Variants in AIM2 observed in about 807,000 individuals in gnomAD.
AIM2 encodes the protein absent in melanoma 2, also known as interferon-inducible protein AIM2.
AIM2 carries 30 observed loss-of-function variants against 27.7 expected under a neutral mutation model. The ratio of observed to expected loss-of-function variants is 1.08; its 90% CI spans 0.81 to 1.47. The LOEUF (loss-of-function observed/expected upper bound fraction) is 1.47. AIM2 is among the 40% of genes most tolerant of loss of function. The pLI is 0.00. For synonymous variants in AIM2, 141 were observed against 145.3 expected (o/e 0.97, Z 0.21); for missense variants, 358 against 411.3 (o/e 0.87, Z 1.12).
At chr1:159,101,165 T>C (rs1657304279) in intron 1 of AIM2, among the ~76,000 whole-genome samples, 1 of 151,366 alleles carries the variant, frequency 6.6e-6, no homozygotes, top group African/African-American at 2.4e-5. Context: ...GGGAGGTAAT[T>C]GGATCATGGG....
chr1:159,096,301 C>CCT (rs1557903008), intron 1 of AIM2, among the ~76,000 whole-genome samples: 1 of 151,898 alleles, frequency 6.6e-6, no homozygotes, highest in Non-Finnish European at 1.5e-5. Flanking sequence ...GGTTACTTAG[C>CCT]CTCTCTCTCT....
intron 1 of AIM2, among the ~76,000 whole-genome samples, chr1:159,086,064 G>A (rs1656906336): frequency 6.6e-6 from 1 of 152,128 alleles, no homozygotes; most frequent in Non-Finnish European, 1.5e-5. Flanking sequence ...TGGAGTGTGA[G>A]GGGAAAGAAG....
At chr1:159,093,714 G>A (rs1657102652) in intron 1 of AIM2, among the ~76,000 whole-genome samples, 1 of 149,854 alleles carries the variant, frequency 6.7e-6, no homozygotes, top group South Asian at 2.2e-4. Context: ...ACATATATAT[G>A]TATGTGTATA....
chr1:159,105,906 G>T (rs2188118), intron 1 of AIM2, among the ~76,000 whole-genome samples: 134 of 152,008 alleles, frequency 8.8e-4, no homozygotes, highest in Non-Finnish European at 1.7e-3. Context: ...CCCATGCTTC[G>T]GGCCATCCTT....
intron 1 of AIM2, among the ~76,000 whole-genome samples, chr1:159,124,172 C>G (rs1254745998): frequency 6.6e-6 from 1 of 152,066 alleles, no homozygotes; most frequent in African/African-American, 2.4e-5. Context: ...TGCTTACTCT[C>G]AAAATGTACC....
At chr1:159,109,220 A>G (rs1048710870) in intron 1 of AIM2, among the ~76,000 whole-genome samples, 1 of 152,198 alleles carries the variant, frequency 6.6e-6, no homozygotes, top group East Asian at 1.9e-4. Context: ...CACATAGAGC[A>G]ATGGAACAGA....
At chr1:159,116,526 C>A (rs1647355280) in intron 1 of AIM2, among the ~76,000 whole-genome samples, 1 of 152,124 alleles carries the variant, frequency 6.6e-6, no homozygotes, top group Non-Finnish European at 1.5e-5. Flanking sequence ...AGTTCATGTC[C>A]TTTGTAGGGA....
At chr1:159,068,778 A>G (rs1656229260) in intron 2 of AIM2, 77 bp from the exon 3 acceptor site, 6 of 1,396,346 alleles carry the variant, frequency 4.3e-6, no homozygotes, top group Non-Finnish European at 5.9e-6. Flanking sequence ...GTCACCAGGA[A>G]TAAATACTAA....
chr1:159,129,167 A>G (rs1647803590), intron 1 of AIM2, among the ~76,000 whole-genome samples: 2 of 152,190 alleles, frequency 1.3e-5, no homozygotes, highest in South Asian at 4.1e-4. Flanking sequence ...GAGACACAGA[A>G]AAGATGGCCA....
intron 1 of AIM2, among the ~76,000 whole-genome samples, chr1:159,134,704 T>A (rs1421386679): frequency 4.6e-5 from 7 of 152,174 alleles, no homozygotes; most frequent in Admixed American, 2.0e-4. Context: ...TGGTGGCAGA[T>A]GCCTGTAATC....
chr1:159,103,689 C>T (rs1269074529), intron 1 of AIM2, among the ~76,000 whole-genome samples: 1 of 152,190 alleles, frequency 6.6e-6, no homozygotes, highest in Admixed American at 6.5e-5. Context: ...AAGAGAGATA[C>T]ACTAACTCCT....
intron 1 of AIM2, among the ~76,000 whole-genome samples, chr1:159,114,843 C>T (rs1254473669): frequency 1.3e-5 from 2 of 152,142 alleles, no homozygotes; most frequent in Non-Finnish European, 2.9e-5. Flanking sequence ...GGCAATCAGG[C>T]AGGAGAAGGA....
chr1:159,096,136 G>A (rs139027341), intron 1 of AIM2, among the ~76,000 whole-genome samples: 79 of 152,336 alleles, frequency 5.2e-4, no homozygotes, highest in East Asian at 5.0e-3. Context: ...CAATGCTACT[G>A]TAGGCTGAAA....
chr1:159,077,330 G>A (rs180763959), upstream of AIM2, among the ~76,000 whole-genome samples: 219 of 152,344 alleles, frequency 1.4e-3, 2 homozygotes, highest in South Asian at 9.1e-3. Context: ...GGCAATTCCC[G>A]GAATCGGGGT....
chr1:159,127,473 G>T (rs1647723335), intron 1 of AIM2, among the ~76,000 whole-genome samples: 1 of 152,174 alleles, frequency 6.6e-6, no homozygotes, highest in African/African-American at 2.4e-5. Context: ...ATGGCATGGG[G>T]CCATTGGGAG....
chr1:159,083,510 A>G (rs560677590), intron 1 of AIM2, among the ~76,000 whole-genome samples: 31 of 152,306 alleles, frequency 2.0e-4, no homozygotes, highest in Non-Finnish European at 3.8e-4. Context: ...GTAATATATT[A>G]ACTGAATGAA....
At chr1:159,124,791 G>A (rs1165515283) in intron 1 of AIM2, among the ~76,000 whole-genome samples, 2 of 152,190 alleles carry the variant, frequency 1.3e-5, no homozygotes, top group Non-Finnish European at 2.9e-5. Context: ...GCTCAGTAGA[G>A]CAGGAGGAAA....
At chr1:159,138,548 T>C (rs1357832046) in intron 1 of AIM2, among the ~76,000 whole-genome samples, 1 of 152,238 alleles carries the variant, frequency 6.6e-6, no homozygotes, top group Admixed American at 6.5e-5. Context: ...GTCTTCATCA[T>C]GGGAATATGT....
At chr1:159,065,107 G>A (rs1188354928) in intron 4 of AIM2, among the ~76,000 whole-genome samples, 4 of 152,150 alleles carry the variant, frequency 2.6e-5, no homozygotes, top group African/African-American at 9.7e-5. Flanking sequence ...GGGCAGCAGA[G>A]GTTATTCTGA....
Sources: allele counts gnomAD v4.1 joint callset (sites outside exome capture counted in the v4.1 genomes callset), GRCh38; gene constraint gnomAD v4.1.1; transcripts MANE v1.5; gene names NCBI Gene and HGNC (gene_info 2026-07-23, HGNC 2026-07-21).